RGL1: variants seen among roughly 807,000 people sequenced by gnomAD.
RGL1 encodes the protein ral guanine nucleotide dissociation stimulator-like 1.
A neutral mutation model predicts 95.2 loss-of-function variants in RGL1; 24 were observed. The ratio of observed to expected loss-of-function variants is 0.25; its 90% CI spans 0.18 to 0.35. The LOEUF (loss-of-function observed/expected upper bound fraction) is 0.35, where lower values mean the gene tolerates loss of function less well. Ranked by LOEUF, RGL1 falls within the 10% of genes least tolerant of loss-of-function variation. The pLI, the probability that RGL1 is intolerant of heterozygous loss-of-function variation, is 1.00. For synonymous variants in RGL1, 329 were observed against 344.9 expected (o/e 0.95, Z 0.51); for missense variants, 715 against 936.3 (o/e 0.76, Z 3.08).
chr1:183,713,384 C>CCG lies in RGL1; in HGVS notation c.-32-28741_-32-28740insGC, dbSNP rs1553273651. 6.1e-3 allele frequency among the ~76,000 whole-genome samples: 830 copies of CCG among 137,124 alleles called. 109 individuals carry two copies. Among genetic ancestry groups the CCG allele is most frequent in the African/African-American group, 0.022 (764 of 34,826 alleles). 90.0% of individuals were successfully genotyped at this position (137,124 alleles called of 152,430 possible). A position where few individuals can be genotyped will look rare whatever the true frequency, so the allele number is the denominator to read the frequency against. Reference sequence around the variant, plus strand: ...AAAAAAAATCTAGAGGCACCCCCCCCCCCCGCTTTTATAATGACCCTTTTG... The same window carrying CCG: ...AAAAAAAATCTAGAGGCACCCCCCCCCGCCCCGCTTTTATAATGACCCTTTTG... On this transcript the variant is annotated intron_variant, in intron 1 of 18. Coordinates refer to the RGL1 transcript ENST00000304685.
chr1:183,841,011 C>A (rs778298695), intron 2 of RGL1, among the ~76,000 whole-genome samples: 12 of 152,306 alleles, frequency 7.9e-5, no homozygotes, highest in Non-Finnish European at 1.2e-4. Flanking sequence ...GCCTCTCTCT[C>A]CACCATTTTA....
chr1:183,864,009 C>T (rs746052280), intron 3 of RGL1, among the ~76,000 whole-genome samples: 1 of 152,170 alleles, frequency 6.6e-6, no homozygotes, highest in Non-Finnish European at 1.5e-5. Flanking sequence ...TTTGGCATCA[C>T]ATTCTGGGGA....
At chr1:183,852,916 C>A (rs1300780668) in intron 3 of RGL1, among the ~76,000 whole-genome samples, 2 of 152,178 alleles carry the variant, frequency 1.3e-5, no homozygotes, top group Non-Finnish European at 2.9e-5. Flanking sequence ...TAGTGACCTT[C>A]AGTGAGAGCC....
At chr1:183,647,623 T>C (rs993943054) in intron 1 of RGL1, 1 of 1,508,464 alleles carries the variant, frequency 6.6e-7, no homozygotes, top group Non-Finnish European at 8.8e-7. Flanking sequence ...CAGATTTTTA[T>C]TGCCTATCTA....
At chr1:183,767,398 A>G (rs1287510401) in intron 2 of RGL1, among the ~76,000 whole-genome samples, 1 of 152,182 alleles carries the variant, frequency 6.6e-6, no homozygotes, top group Non-Finnish European at 1.5e-5. Flanking sequence ...CTTGGAGGCT[A>G]CAGTGTTACC....
At chr1:183,770,790 G>A (rs1252903128) in intron 2 of RGL1, among the ~76,000 whole-genome samples, 1 of 151,990 alleles carries the variant, frequency 6.6e-6, no homozygotes, top group African/African-American at 2.4e-5. Context: ...TCTTATGGTT[G>A]GTTTCCTGAG....
In RGL1 at chr1:183,883,801, C is replaced by A. The variant is rs145145034; in HGVS notation, c.626C>A (p.Thr209Lys). 5.0e-6 allele frequency: 8 copies of A among 1,614,036 alleles called. 1 individual carries two copies. In the South Asian group the frequency reaches 7.7e-5, roughly 16 times the overall value. The change falls in exon 6 of 18, where the codon ACG (threonine) becomes AAG (lysine). Residue 209 changes from threonine (T) to lysine (K), a missense_variant. Physicochemically the swap from Thr to Lys is moderately conservative, Grantham distance 78. Transcript: ENST00000360851. ...ATGTGAACAGATGGGCTTCCCAACACGATCTCCTTCAGCCTGGAAGAGGAA... is the reference window on the plus strand; with the variant it reads ...ATGTGAACAGATGGGCTTCCCAACAAGATCTCCTTCAGCCTGGAAGAGGAA... ...EVETDNGLPNTISFSLEEEEE... is the reference protein window; with the variant it reads ...EVETDNGLPNKISFSLEEEEE...
At chr1:183,842,893 T>A (rs1664161720) in intron 2 of RGL1, among the ~76,000 whole-genome samples, 1 of 152,260 alleles carries the variant, frequency 6.6e-6, no homozygotes. Context: ...GAATCTTTTC[T>A]TGCAAAAATG....
intron 16 of RGL1, among the ~76,000 whole-genome samples, chr1:183,921,300 T>A (rs1168409420): frequency 6.6e-6 from 1 of 152,224 alleles, no homozygotes; most frequent in Non-Finnish European, 1.5e-5. Flanking sequence ...TTTGATTCTT[T>A]GAGTTTTAAT....
Position 183,785,492 on chromosome 1 carries a change from G to A in RGL1, c.133-20883G>A, listed in dbSNP as rs1408706182. On this transcript the variant is annotated intron_variant, in intron 2 of 18. Transcript: ENST00000304685. ...TGCCTGCTCTACTATAGCATTTCTC[G>A]CATTATTTTTGAGGTCCTATTATCT... Among the ~76,000 whole-genome samples the A allele has an allele frequency of 2.0e-5, 3 of 152,012 alleles. No homozygotes were observed. The East Asian group carries it at 5.8e-4, about 29-fold the overall frequency.
At chr1:183,844,548 A>G (rs1176306873) in intron 2 of RGL1, among the ~76,000 whole-genome samples, 6 of 152,252 alleles carry the variant, frequency 3.9e-5, no homozygotes, top group South Asian at 2.1e-4. Flanking sequence ...TGAACTCTAT[A>G]GTTCCCAAAC....
chr1:183,807,149 C>T (rs1661400489), intron 2 of RGL1, among the ~76,000 whole-genome samples: 1 of 152,104 alleles, frequency 6.6e-6, no homozygotes, highest in South Asian at 2.1e-4. Context: ...CTAGTAGATC[C>T]TTCAACACAT....
intron 1 of RGL1, among the ~76,000 whole-genome samples, chr1:183,736,922 T>C (rs560547911): frequency 9.0e-6 from 1 of 111,406 alleles, no homozygotes; most frequent in East Asian, 2.7e-4. Flanking sequence ...AGTTTCTGAA[T>C]TTTAAACACT....
intron 2 of RGL1, among the ~76,000 whole-genome samples, chr1:183,826,148 G>A (rs1213211898): frequency 6.6e-6 from 1 of 151,496 alleles, no homozygotes; most frequent in Non-Finnish European, 1.5e-5. Context: ...CCGCCTCCCT[G>A]GTTCATGCCA....
intron 8 of RGL1, among the ~76,000 whole-genome samples, chr1:183,891,606 A>C (rs953231007): frequency 3.9e-5 from 6 of 152,132 alleles, no homozygotes; most frequent in African/African-American, 1.4e-4. Context: ...TTTGGCTTCC[A>C]TACCTACAAC....
At chr1:183,898,099 A>T (rs1667804758) in intron 10 of RGL1, among the ~76,000 whole-genome samples, 1 of 152,208 alleles carries the variant, frequency 6.6e-6, no homozygotes, top group Non-Finnish European at 1.5e-5. Flanking sequence ...ACTAGTAGGA[A>T]GTAAGCACTG....
At chr1:183,801,967 C>G (rs537477989), upstream of RGL1, among the ~76,000 whole-genome samples, 144 of 152,322 alleles carry the variant, frequency 9.5e-4, no homozygotes, top group African/African-American at 3.3e-3. Flanking sequence ...GGCCCTACCT[C>G]CAACACTGGG....
chr1:183,764,730 G>A (rs1043663299), intron 2 of RGL1, among the ~76,000 whole-genome samples: 3 of 152,044 alleles, frequency 2.0e-5, no homozygotes, highest in African/African-American at 7.2e-5. Flanking sequence ...GGGTAACCAC[G>A]TGGCCACCCA....
At chr1:183,738,832 C>G (rs568666207) in intron 1 of RGL1, among the ~76,000 whole-genome samples, 304 of 152,190 alleles carry the variant, frequency 2.0e-3, no homozygotes, top group African/African-American at 6.8e-3. Context: ...ACCCGGGAGG[C>G]AGAGGTTGCA....
Sources: allele counts gnomAD v4.1 joint callset (sites outside exome capture counted in the v4.1 genomes callset), GRCh38; gene constraint gnomAD v4.1.1; transcripts MANE v1.5; gene names NCBI Gene and HGNC (gene_info 2026-07-23, HGNC 2026-07-21).